Variants in RBM17 observed in about 807,000 individuals in gnomAD.
RBM17 encodes splicing factor 45.
A neutral mutation model predicts 53.2 loss-of-function variants in RBM17; 7 were observed. The observed-to-expected ratio is 0.13, with a 90% CI of 0.07 to 0.25. RBM17 has a LOEUF of 0.25. Ranked by LOEUF, RBM17 falls within the 10% of genes least tolerant of loss-of-function variation. The pLI is 1.00. For missense variants in RBM17, 257 were observed against 496.7 expected (o/e 0.52, Z 4.59); for synonymous variants, 167 against 178.1 (o/e 0.94, Z 0.50).
chr10:6,091,858 GGTTA>G (rs1840491216), intron 1 of RBM17, among the ~76,000 whole-genome samples: 1 of 136,548 alleles, frequency 7.3e-6, no homozygotes, highest in Admixed American at 7.7e-5. Flanking sequence ...AGTTGGGGGG[GGTTA>G]GTTTTATGTG....
chr10:6,102,712 T>A (rs1840685391), intron 3 of RBM17, among the ~76,000 whole-genome samples: 1 of 152,216 alleles, frequency 6.6e-6, no homozygotes, highest in African/African-American at 2.4e-5. Context: ...AGCGAATGCA[T>A]CATAATTTAC....
At chr10:6,105,191 T>A (rs954449860) in intron 4 of RBM17, 94 bp downstream of exon 4, 3 of 1,145,906 alleles carry the variant, frequency 2.6e-6, no homozygotes, top group African/African-American at 3.1e-5. Context: ...AAGGCTGAAG[T>A]TAATTGTCAT....
Position 6,108,727 on chromosome 10 carries a change from G to C in RBM17, c.547G>C (p.Glu183Gln). Residue 183 changes from glutamate to glutamine, a missense_variant, in exon 6 of 12, where the codon GAG becomes CAG. By Grantham distance (29) the Glu-to-Gln change is conservative. Coordinates refer to ENST00000379888, the MANE Select transcript of RBM17 (RefSeq NM_032905.5). ...AAIAPPTSLV[E>Q]KDKELPRDFP... ...CATTGCCCCACCCACTTCTCTGGTA[G>C]AGAAAGACAAAGAGTGTAAGTAGAT... The C allele has an allele frequency of 6.2e-7, 1 of 1,612,434 alleles. No homozygotes were observed. Among genetic ancestry groups the C allele is most frequent in the Non-Finnish European group, 8.5e-7 (1 of 1,179,152 alleles).
chr10:6,091,998 C>T (rs186469927), intron 1 of RBM17, among the ~76,000 whole-genome samples: 77 of 152,294 alleles, frequency 5.1e-4, no homozygotes, highest in African/African-American at 1.8e-3. Flanking sequence ...TACTTTCCAG[C>T]TTGGGTGGAA....
Position 6,089,438 on chromosome 10 carries a change from C to T in RBM17, c.-19+245C>T, listed in dbSNP as rs1049164843. ...CTGGTGACCCTGGCCCTGACCTTCT[C>T]CCTCTTCCCTTCCTCCTCCTCCTCC... is the stretch of plus-strand genomic sequence containing the variant. On this transcript the variant is annotated intron_variant, in intron 1 of 11. Coordinates refer to ENST00000379888, the MANE Select transcript of RBM17 (RefSeq NM_032905.5). This position sits in a 1 kb window ranked among gnomAD's most constrained non-coding sequence, Gnocchi z 5.6. The T allele has an allele frequency of 2.0e-5, 3 of 148,618 alleles. No individual in the cohort carries two copies. The highest frequency in any genetic ancestry group is 6.8e-5 in the Admixed American group (1 of 14,718). The allele number at this position is 148,618 out of a possible 1,614,324, so 9.2% of individuals were successfully genotyped here.
At chr10:6,093,406 A>G (rs188842994) in intron 1 of RBM17, among the ~76,000 whole-genome samples, 2 of 152,182 alleles carry the variant, frequency 1.3e-5, no homozygotes, top group African/African-American at 2.4e-5. Flanking sequence ...TTTAATAGAG[A>G]TGGGTTTTCA....
intron 6 of RBM17, among the ~76,000 whole-genome samples, chr10:6,109,762 G>C (rs1404131363): frequency 6.6e-6 from 1 of 152,168 alleles, no homozygotes. Flanking sequence ...CGTTTGAGGA[G>C]ATAGAAATAG....
intron 6 of RBM17, among the ~76,000 whole-genome samples, chr10:6,109,552 C>T (rs965923918): frequency 6.6e-6 from 1 of 152,210 alleles, no homozygotes; most frequent in African/African-American, 2.4e-5. Context: ...TGCGTAGCCC[C>T]TAACCTCGGA....
At chr10:6,105,429 T>C (rs926126505) in intron 4 of RBM17, among the ~76,000 whole-genome samples, 3 of 152,222 alleles carry the variant, frequency 2.0e-5, no homozygotes, top group African/African-American at 7.2e-5. Context: ...TCTGAAATGC[T>C]CCAAAATCTT....
chr10:6,090,050 C>G (rs1446850368), intron 1 of RBM17: 2 of 152,290 alleles, frequency 1.3e-5, no homozygotes, highest in Non-Finnish European at 2.9e-5. Flanking sequence ...AGCGAAGCCC[C>G]GTAGTGCGTT....
Position 6,089,064 on chromosome 10 carries a change from G to A in RBM17, c.-148G>A, listed in dbSNP as rs1167994978. ...GCGCTCCCTGACCCCGCGCCGCCGA[G>A]CGCCCTGAGGACTCAGCGAAGGGTG... On this transcript the variant is annotated 5_prime_UTR_variant, in exon 1 of 12. Transcript: ENST00000379888. This position sits in a 1 kb window ranked among gnomAD's most constrained non-coding sequence, Gnocchi z 5.6. 1.3e-5 allele frequency: 2 copies of A among 150,736 alleles called. No homozygotes were observed. Among genetic ancestry groups the A allele is most frequent in the Non-Finnish European group, 1.5e-5 (1 of 67,564 alleles). 9.3% of individuals were successfully genotyped at this position (150,736 alleles called of 1,614,324 possible). A position where few individuals can be genotyped will look rare whatever the true frequency, so the allele number is the denominator to read the frequency against.
intron 5 of RBM17, among the ~76,000 whole-genome samples, chr10:6,107,327 G>A (rs771357370): frequency 1.3e-5 from 2 of 151,656 alleles, no homozygotes; most frequent in South Asian, 2.1e-4. Context: ...ACAGGTGTGC[G>A]CTACCACGCC....
chr10:6,091,163 GTT>G (rs1840479195), intron 1 of RBM17, among the ~76,000 whole-genome samples: 2 of 151,710 alleles, frequency 1.3e-5, no homozygotes. Context: ...GGTTCAAATG[GTT>G]CTCTGGCCTC....
Position 6,113,287 on chromosome 10 carries a change from C to T in RBM17, c.857-221C>T, listed in dbSNP as rs534636900. ...AGTAATGGTGGAGGCTCAAAACATC[C>T]AGATGCTATTGTAAAAACATGCCAA... On this transcript the variant is annotated intron_variant, in intron 8 of 11. Transcript: ENST00000379888. 82 of 417,578 alleles carry T rather than the reference C, an allele frequency of 2.0e-4. 1 individual carries two copies. The highest frequency in any genetic ancestry group is 1.5e-3 in the African/African-American group (75 of 48,916). 25.9% of individuals were successfully genotyped at this position (417,578 alleles called of 1,614,324 possible). A position where few individuals can be genotyped will look rare whatever the true frequency, so the allele number is the denominator to read the frequency against.
chr10:6,102,922 A>G (rs1279004671), intron 3 of RBM17, among the ~76,000 whole-genome samples: 2 of 152,012 alleles, frequency 1.3e-5, no homozygotes, highest in Non-Finnish European at 2.9e-5. Flanking sequence ...ACCTCAGTCT[A>G]CTGAGTAGTT....
intron 2 of RBM17, among the ~76,000 whole-genome samples, chr10:6,098,574 T>TTTTTTTTTG: frequency 8.2e-6 from 1 of 121,988 alleles, no homozygotes; most frequent in Admixed American, 8.3e-5. Flanking sequence ...TTTTTTTTTT[T>TTTTTTTTTG]TTTTTTTTTT....
chr10:6,102,350 C>T (rs1840680679), intron 3 of RBM17, among the ~76,000 whole-genome samples: 1 of 152,166 alleles, frequency 6.6e-6, no homozygotes, highest in Non-Finnish European at 1.5e-5. Context: ...GGGTTGGGCT[C>T]CGTCTCCTGC....
chr10:6,107,479 CTTTTTTTTTTT>C lies in RBM17; in HGVS notation c.506-1196_506-1186del, dbSNP rs71390124. Among the ~76,000 whole-genome samples the C allele has an allele frequency of 2.6e-3, 147 of 56,604 alleles. 4 individuals carry two copies. The highest frequency in any genetic ancestry group is 4.0e-3 in the Non-Finnish European group (124 of 31,206). 37.1% of individuals were successfully genotyped at this position (56,604 alleles called of 152,430 possible). A position where few individuals can be genotyped will look rare whatever the true frequency, so the allele number is the denominator to read the frequency against. The stretch of plus-strand genomic sequence containing the variant: ...AGGTATGAGCCACTGCACCCGGCCT[CTTTTTTTTTTT>C]TTTTTTTTTTGGAGACACTCTTGCT... On this transcript the variant is annotated intron_variant, in intron 5 of 11. Transcript: ENST00000379888.
chr10:6,094,316 C>T (rs1029920336), intron 1 of RBM17, among the ~76,000 whole-genome samples: 1 of 152,026 alleles, frequency 6.6e-6, no homozygotes, highest in Non-Finnish European at 1.5e-5. Context: ...TGTTGTTGCT[C>T]GGAACGTTTT....
Sources: gnomAD v4.1 joint callset for allele counts (sites outside exome capture counted in the v4.1 genomes callset) on GRCh38, gnomAD v4.1.1 for gene constraint, Gnocchi (gnomAD v3.1) non-coding constraint, MANE v1.5 for transcripts, NCBI Gene and HGNC (gene_info 2026-07-23, HGNC 2026-07-21) for gene names.